SUCLG2: variants seen among roughly 807,000 people sequenced by gnomAD.
SUCLG2 encodes succinate--CoA ligase [GDP-forming] subunit beta, mitochondrial.
SUCLG2 carries 42 observed loss-of-function variants against 47.9 expected under a neutral mutation model. That is an observed-to-expected ratio of 0.88 (90% CI 0.69 to 1.14). SUCLG2 has a LOEUF of 1.14. Ranked by LOEUF, SUCLG2 falls within the 50% of genes most tolerant of loss-of-function variation. The pLI, the probability that SUCLG2 is intolerant of heterozygous loss-of-function variation, is 0.00. For synonymous variants in SUCLG2, 195 were observed against 197.3 expected (o/e 0.99, Z 0.10); for missense variants, 571 against 525.9 (o/e 1.09, Z -0.84).
intron 2 of SUCLG2, among the ~76,000 whole-genome samples, chr3:67,542,171 GC>G (rs1305506450): frequency 3.3e-5 from 5 of 151,994 alleles, no homozygotes; most frequent in African/African-American, 1.2e-4. Context: ...ACCATGCCCG[GC>G]CCTCAACATT....
At position 67,610,477 on chromosome 3, in the gene SUCLG2, C is replaced by A. The variant is rs1700508245; in HGVS notation, c.85-881G>T. Among the ~76,000 whole-genome samples the A allele has an allele frequency of 2.6e-5, 4 of 151,254 alleles. No individual in the cohort carries two copies. In the South Asian group the frequency reaches 8.4e-4, roughly 32 times the overall value. On this transcript the variant is annotated intron_variant, in intron 1 of 10. Coordinates refer to ENST00000307227, the MANE Select transcript of SUCLG2 (RefSeq NM_003848.4). ...CCAATAATATCAACAGTATTCCCTA[C>A]CAAATCTGTAAGCCCCATTTTTAAA...
At chr3:67,591,768 C>G (rs1420053604) in intron 2 of SUCLG2, among the ~76,000 whole-genome samples, 1 of 152,168 alleles carries the variant, frequency 6.6e-6, no homozygotes, top group African/African-American at 2.4e-5. Flanking sequence ...AGATCTATCA[C>G]ATGGAGTACA....
intron 9 of SUCLG2, among the ~76,000 whole-genome samples, chr3:67,442,561 T>G (rs996622322): frequency 5.9e-5 from 9 of 152,232 alleles, no homozygotes; most frequent in Non-Finnish European, 2.9e-5. Context: ...GTGGCTGTCC[T>G]AGAGCTTTGT....
intron 2 of SUCLG2, among the ~76,000 whole-genome samples, chr3:67,591,401 G>A (rs914983036): frequency 6.6e-6 from 1 of 152,184 alleles, no homozygotes; most frequent in African/African-American, 2.4e-5. Context: ...AACTGATATG[G>A]TTTTGCTGTG....
chr3:67,546,960 T>C (rs763909280), intron 2 of SUCLG2, among the ~76,000 whole-genome samples: 25 of 152,170 alleles, frequency 1.6e-4, no homozygotes, highest in African/African-American at 5.6e-4. Context: ...AGCTAGCATA[T>C]AAGTCTATTC....
At chr3:67,452,157 T>C (rs1032496399) in intron 9 of SUCLG2, among the ~76,000 whole-genome samples, 1 of 152,222 alleles carries the variant, frequency 6.6e-6, no homozygotes, top group Non-Finnish European at 1.5e-5. Context: ...AAAAACTCTC[T>C]ATGTGCTTCT....
chr3:67,581,251 T>C (rs1013742314), intron 2 of SUCLG2, among the ~76,000 whole-genome samples: 4 of 152,184 alleles, frequency 2.6e-5, no homozygotes, highest in Non-Finnish European at 5.9e-5. Context: ...AAAATGCAGA[T>C]AAATTAAGAA....
chr3:67,454,374 A>C (rs1704130236), intron 9 of SUCLG2, among the ~76,000 whole-genome samples: 1 of 149,182 alleles, frequency 6.7e-6, no homozygotes. Context: ...ATACTTTTTT[A>C]CCTTTCAAAC....
At chr3:67,553,093 A>G (rs1707061018) in intron 2 of SUCLG2, among the ~76,000 whole-genome samples, 1 of 152,216 alleles carries the variant, frequency 6.6e-6, no homozygotes, top group African/African-American at 2.4e-5. Flanking sequence ...CATCCCAACC[A>G]AGAAGTGGAT....
At chr3:67,470,045 CAAA>C (rs200817099) in intron 9 of SUCLG2, among the ~76,000 whole-genome samples, 44 of 96,414 alleles carry the variant, frequency 4.6e-4, no homozygotes, top group African/African-American at 8.4e-4. Flanking sequence ...AACTCCATAT[CAAA>C]AAAAAAAAAA....
intron 2 of SUCLG2, among the ~76,000 whole-genome samples, chr3:67,600,234 T>C (rs62256411): frequency 0.061 from 9,328 of 152,336 alleles, 389 homozygotes; most frequent in South Asian, 0.16. Context: ...TTGGGTGTTA[T>C]TGCAAAAGTA....
chr3:67,615,736 C>T (rs1700616782), intron 1 of SUCLG2, among the ~76,000 whole-genome samples: 1 of 151,880 alleles, frequency 6.6e-6, no homozygotes, highest in Admixed American at 6.6e-5. Context: ...AGTGCAACCA[C>T]CTTCCAAAAC....
At chr3:67,591,569 G>T (rs1479493734) in intron 2 of SUCLG2, among the ~76,000 whole-genome samples, 1 of 152,118 alleles carries the variant, frequency 6.6e-6, no homozygotes. Context: ...TTATCAGGGG[G>T]TTCTGCTTTT....
At chr3:67,446,523 C>T (rs1330788728) in intron 9 of SUCLG2, among the ~76,000 whole-genome samples, 1 of 146,250 alleles carries the variant, frequency 6.8e-6, no homozygotes, top group Non-Finnish European at 1.5e-5. Flanking sequence ...CTCCACCTCC[C>T]GGGTTCAGGG....
At chr3:67,461,173 A>G (rs1704323073) in intron 9 of SUCLG2, among the ~76,000 whole-genome samples, 1 of 152,194 alleles carries the variant, frequency 6.6e-6, no homozygotes, top group Admixed American at 6.5e-5. Flanking sequence ...TTTCTCTTCC[A>G]AGCTCTGAGA....
intron 2 of SUCLG2, among the ~76,000 whole-genome samples, chr3:67,541,655 A>G (rs1706714692): frequency 6.6e-6 from 1 of 152,182 alleles, no homozygotes; most frequent in African/African-American, 2.4e-5. Flanking sequence ...AAATTCAAGA[A>G]ATACAGAGAA....
intron 1 of SUCLG2, among the ~76,000 whole-genome samples, chr3:67,627,753 T>C (rs570234937): frequency 6.6e-6 from 1 of 152,336 alleles, no homozygotes; most frequent in South Asian, 2.1e-4. Context: ...CAAAAGGAGC[T>C]GGTTTCAAGA....
At chr3:67,383,649 A>G (rs1291113659) in intron 10 of SUCLG2, among the ~76,000 whole-genome samples, 1 of 152,174 alleles carries the variant, frequency 6.6e-6, no homozygotes, top group African/African-American at 2.4e-5. Context: ...GGTTTCAAAG[A>G]ATGGTGTGTA....
intron 9 of SUCLG2, among the ~76,000 whole-genome samples, chr3:67,402,694 T>A (rs1056512010): frequency 6.6e-6 from 1 of 152,224 alleles, no homozygotes; most frequent in Non-Finnish European, 1.5e-5. Context: ...TGAGGCTCAG[T>A]AAGGTTTGTG....
Sources: gnomAD v4.1 joint callset for allele counts (sites outside exome capture counted in the v4.1 genomes callset) on GRCh38, gnomAD v4.1.1 for gene constraint, MANE v1.5 for transcripts, NCBI Gene and HGNC (gene_info 2026-07-23, HGNC 2026-07-21) for gene names.